RARB: variants seen among roughly 807,000 people sequenced by gnomAD.
RARB encodes HBV-activated protein.
In RARB, 17 loss-of-function variants were observed where a neutral mutation model predicts 51.9. That is an observed-to-expected ratio of 0.33 (90% CI 0.22 to 0.49). The LOEUF (loss-of-function observed/expected upper bound fraction) is 0.49, where lower values mean the gene tolerates loss of function less well. RARB is among the 20% of genes least tolerant of loss of function. RARB has a pLI of 0.99. For synonymous variants in RARB, 215 were observed against 195.4 expected, an observed-to-expected ratio of 1.10 and a Z score of -0.84; for missense variants, 369 against 550.8, an observed-to-expected ratio of 0.67 and a Z score of 3.30.
chr3:25,486,709 C>T (rs1171343931), intron 2 of RARB, among the ~76,000 whole-genome samples: 1 of 152,122 alleles, frequency 6.6e-6, no homozygotes, highest in African/African-American at 2.4e-5. Context: ...CTTTTAAATT[C>T]GGATAATGGT....
intron 2 of RARB, among the ~76,000 whole-genome samples, chr3:25,052,591 T>A (rs922412333): frequency 2.6e-5 from 4 of 152,184 alleles, no homozygotes. Flanking sequence ...TTAACTCTTT[T>A]AGACGGACTA....
At chr3:25,190,743 C>A (rs1022674401) in intron 5 of RARB, among the ~76,000 whole-genome samples, 3 of 152,066 alleles carry the variant, frequency 2.0e-5, no homozygotes, top group African/African-American at 7.2e-5. Flanking sequence ...AGATTTTTTT[C>A]TTTGTCCTTG....
At chr3:25,366,350 A>G (rs1339457344) in intron 5 of RARB, among the ~76,000 whole-genome samples, 1 of 152,172 alleles carries the variant, frequency 6.6e-6, no homozygotes, top group Admixed American at 6.5e-5. Context: ...TTTGCCTTCT[A>G]CCCCTCAGGA....
intron 2 of RARB, among the ~76,000 whole-genome samples, chr3:25,000,888 T>C (rs540067583): frequency 1.3e-5 from 2 of 152,300 alleles, no homozygotes; most frequent in South Asian, 2.1e-4. Context: ...GAAGATCAAA[T>C]TGTGACTTTT....
chr3:24,933,993 T>C (rs1489439645), intron 2 of RARB, among the ~76,000 whole-genome samples: 3 of 152,180 alleles, frequency 2.0e-5, no homozygotes, highest in African/African-American at 2.4e-5. Context: ...ATCCTTAGAA[T>C]CCTTAATCGA....
chr3:24,835,360 A>G (rs924227055), intron 1 of RARB, among the ~76,000 whole-genome samples: 1 of 152,206 alleles, frequency 6.6e-6, no homozygotes, highest in African/African-American at 2.4e-5. Flanking sequence ...GGTGGCAGAA[A>G]GGTAGCAAGC....
chr3:24,918,859 C>T (rs142928132), intron 2 of RARB, among the ~76,000 whole-genome samples: 16 of 152,210 alleles, frequency 1.1e-4, no homozygotes, highest in African/African-American at 3.9e-4. Flanking sequence ...CATTGCACTC[C>T]AGCCTGGGTG....
chr3:24,950,222 T>C (rs181862353), intron 2 of RARB, among the ~76,000 whole-genome samples: 39 of 152,348 alleles, frequency 2.6e-4, no homozygotes, highest in Admixed American at 7.2e-4. Flanking sequence ...ATAAATTTTC[T>C]CTCCTACATA....
chr3:25,160,872 A>G (rs998164692), intron 4 of RARB, among the ~76,000 whole-genome samples: 1 of 151,958 alleles, frequency 6.6e-6, no homozygotes, highest in Non-Finnish European at 1.5e-5. Flanking sequence ...CCTCACCTTC[A>G]AAGCACATCA....
At position 25,482,521 on chromosome 3, in the gene RARB, A is replaced by ATTTTTTTTTTTTTTTTT. The variant is rs71087718; in HGVS notation, c.307-18641_307-18625dup. 1.8e-4 allele frequency among the ~76,000 whole-genome samples: 12 copies of ATTTTTTTTTTTTTTTTT among 65,788 alleles called. 3 individuals are homozygous for ATTTTTTTTTTTTTTTTT. Among genetic ancestry groups the ATTTTTTTTTTTTTTTTT allele is most frequent in the African/African-American group, 6.3e-4 (9 of 14,282 alleles). 43.2% of individuals were successfully genotyped at this position (65,788 alleles called of 152,430 possible). A position where few individuals can be genotyped will look rare whatever the true frequency, so the allele number is the denominator to read the frequency against. On this transcript the variant is annotated intron_variant, in intron 2 of 7. Transcript: ENST00000330688. ...TAACTTTAAATTTTCTAGCAGCCAA[A>ATTTTTTTTTTTTTTTTT]TTTTTTTTTTTTTTTTTTTTTTTTT...
At chr3:25,565,767 A>C (rs1442631551) in intron 3 of RARB, among the ~76,000 whole-genome samples, 1 of 152,042 alleles carries the variant, frequency 6.6e-6, no homozygotes, top group Non-Finnish European at 1.5e-5. Flanking sequence ...AGGGCCTTAC[A>C]TTCTTCCTGC....
At chr3:25,437,053 G>GGT (rs1463721892) in intron 1 of RARB, among the ~76,000 whole-genome samples, 1 of 151,982 alleles carries the variant, frequency 6.6e-6, no homozygotes, top group Non-Finnish European at 1.5e-5. Context: ...GAAGTCACCA[G>GGT]GTAGGCCTTC....
intron 4 of RARB, among the ~76,000 whole-genome samples, chr3:25,133,523 G>A (rs926441255): frequency 6.6e-6 from 1 of 151,996 alleles, no homozygotes; most frequent in African/African-American, 2.4e-5. Context: ...ATGGTTTACT[G>A]CTTCCTTGGT....
chr3:25,200,720 T>G (rs1701367789), intron 5 of RARB, among the ~76,000 whole-genome samples: 1 of 152,124 alleles, frequency 6.6e-6, no homozygotes, highest in Admixed American at 6.5e-5. Flanking sequence ...ATTGCTTGTT[T>G]TTCTCAGGTT....
chr3:25,417,997 A>G (rs996878879), intron 5 of RARB, among the ~76,000 whole-genome samples: 9 of 149,512 alleles, frequency 6.0e-5, no homozygotes, highest in Middle Eastern at 3.4e-3. Context: ...TCTCTGGTTT[A>G]TGTAGAGTTC....
intron 5 of RARB, among the ~76,000 whole-genome samples, chr3:25,199,326 G>A (rs1701332522): frequency 6.6e-6 from 1 of 151,952 alleles, no homozygotes; most frequent in Non-Finnish European, 1.5e-5. Context: ...TGGGGGTGGG[G>A]GAAGTGGGGA....
intron 5 of RARB, among the ~76,000 whole-genome samples, chr3:25,299,190 C>T (rs774893866): frequency 6.6e-5 from 10 of 152,050 alleles, no homozygotes; most frequent in Non-Finnish European, 1.3e-4. Flanking sequence ...TGACCTCTCC[C>T]CTCAGGACAG....
intron 5 of RARB, among the ~76,000 whole-genome samples, chr3:25,176,338 C>T (rs11719837): frequency 0.1 from 5,241 of 52,524 alleles, 377 homozygotes; most frequent in East Asian, 0.13. Flanking sequence ...TCTTTCTTTC[C>T]TTCCTTCCTT....
chr3:25,424,459 C>T (rs1294614214), upstream of RARB, among the ~76,000 whole-genome samples: 3 of 152,350 alleles, frequency 2.0e-5, no homozygotes, highest in East Asian at 5.8e-4. Flanking sequence ...AACATCTCTG[C>T]CTTGGCTTCC....
Sources: allele counts gnomAD v4.1 joint callset (sites outside exome capture counted in the v4.1 genomes callset), GRCh38; gene constraint gnomAD v4.1.1; transcripts MANE v1.5; gene names NCBI Gene and HGNC (gene_info 2026-07-23, HGNC 2026-07-21).